The following ACSL6 variants were observed in gnomAD, a reference collection of about 807,000 sequenced individuals.
ACSL6 encodes acyl-CoA synthetase long chain family member 6.
In ACSL6, 47 loss-of-function variants were observed where a neutral mutation model predicts 98.2. The observed-to-expected ratio is 0.48, with a 90% CI of 0.38 to 0.61. ACSL6 has a LOEUF of 0.61. Among genes scored for constraint, ACSL6 ranks in the 20% least tolerant of loss-of-function variants. The pLI, the probability that ACSL6 is intolerant of heterozygous loss-of-function variation, is 0.00. For missense variants in ACSL6, 761 were observed against 913.4 expected (o/e 0.83, Z 2.15); for synonymous variants, 362 against 336.9 (o/e 1.07, Z -0.82).
chr5:131,997,749 T>C (rs1754866535), intron 1 of ACSL6, among the ~76,000 whole-genome samples: 1 of 152,210 alleles, frequency 6.6e-6, no homozygotes, highest in Non-Finnish European at 1.5e-5. Flanking sequence ...GTGCTCACCC[T>C]GAAGGAGGTA....
chr5:131,968,047 A>AC lies in ACSL6; in HGVS notation c.1508-20_1508-19insG. 1 of 1,609,514 alleles carries AC rather than the reference A, an allele frequency of 6.2e-7. No individual in the cohort carries two copies. The highest frequency in any genetic ancestry group is 8.5e-7 in the Non-Finnish European group (1 of 1,176,358). On this transcript the variant is annotated intron_variant, in intron 15 of 20. Coordinates refer to ENST00000651883, the MANE Select transcript of ACSL6 (RefSeq NM_001009185.3). ...ACGTGCCCTGGAACACCGGAGCAAG[A>AC]TGGCATTTGTTAGTGTTCAGATCTG...
intron 6 of ACSL6, 120 bp downstream of exon 6, chr5:131,988,685 G>A: frequency 6.3e-7 from 1 of 1,581,074 alleles, no homozygotes; most frequent in Non-Finnish European, 8.7e-7. Context: ...TAAGCCCCTA[G>A]TATTTTCTGA....
rs1307642845 is a variant in ACSL6 at position 131,960,508 on chromosome 5, C to T, written c.1959+12G>A. On this transcript the variant is annotated intron_variant, in intron 19 of 20. Transcript: ENST00000651883. Reference sequence around the variant, plus strand: ...TCAGTAACCTTTCAGGAGACAGCCCCAAGATACCAACCTTATTTGTGCAGA... The same window carrying T: ...TCAGTAACCTTTCAGGAGACAGCCCTAAGATACCAACCTTATTTGTGCAGA... 3 of 1,609,292 alleles carry T rather than the reference C, an allele frequency of 1.9e-6. No homozygotes were observed. Among genetic ancestry groups the T allele is most frequent in the Non-Finnish European group, 2.5e-6 (3 of 1,178,090 alleles).
At chr5:131,963,310 C>T (rs944918248) in intron 17 of ACSL6, among the ~76,000 whole-genome samples, 1 of 152,174 alleles carries the variant, frequency 6.6e-6, no homozygotes, top group African/African-American at 2.4e-5. Context: ...CCGTCCTCAC[C>T]TCCCTGACTC....
intron 18 of ACSL6, 22 bp from the exon 19 acceptor site, chr5:131,960,643 AAC>A (rs752152829): frequency 6.3e-7 from 1 of 1,589,764 alleles, no homozygotes; most frequent in East Asian, 2.2e-5. Flanking sequence ...ACCAAAGGAG[AAC>A]ACAGTCATGA....
intron 9 of ACSL6, among the ~76,000 whole-genome samples, chr5:131,980,367 G>A (rs1487227303): frequency 1.3e-5 from 2 of 152,174 alleles, no homozygotes. Context: ...TAGTAGCCAA[G>A]TACTCAACAC....
intron 1 of ACSL6, among the ~76,000 whole-genome samples, chr5:132,001,036 C>T (rs537309942): frequency 3.3e-4 from 51 of 152,264 alleles, no homozygotes; most frequent in East Asian, 1.2e-3. Flanking sequence ...TTAAAATGAA[C>T]GAATATCTGA....
chr5:131,977,997 T>C (rs1044435558), intron 9 of ACSL6, among the ~76,000 whole-genome samples: 1 of 152,210 alleles, frequency 6.6e-6, no homozygotes, highest in Non-Finnish European at 1.5e-5. Flanking sequence ...CCGAGCTAAC[T>C]CAGCCCCTAA....
intron 3 of ACSL6, among the ~76,000 whole-genome samples, 197 bp from the exon 4 acceptor site, chr5:131,990,361 C>T (rs1754439522): frequency 6.6e-6 from 1 of 152,216 alleles, no homozygotes; most frequent in Non-Finnish European, 1.5e-5. Context: ...AGTATGGCAT[C>T]ATCCCAGGGA....
At chr5:131,984,677 CTG>C (rs2126874604) in intron 9 of ACSL6, 1 of 154,098 alleles carries the variant, frequency 6.5e-6, no homozygotes, top group African/African-American at 2.4e-5. Context: ...TGTGCCTGTG[CTG>C]TGTGTGTCCT....
rs368582516 is a variant in ACSL6, at chr5:131,975,789, T to C, written c.991-819A>G. The C allele has an allele frequency of 5.1e-6, 5 of 985,484 alleles. No individual in the cohort carries two copies. In the East Asian group the frequency reaches 4.5e-4, roughly 89 times the overall value. 61.0% of individuals were successfully genotyped at this position (985,484 alleles called of 1,614,324 possible). On this transcript the variant is annotated intron_variant, in intron 10 of 20. Transcript: ENST00000651883. ...GGCTGTGCCTCCACGTGCTCTCCTC[T>C]GCTGGACTTCCCTGCTCTCCACCCC...
intron 4 of ACSL6, 90 bp downstream of exon 4, chr5:131,990,010 G>T: frequency 7.3e-7 from 1 of 1,370,138 alleles, no homozygotes; most frequent in Non-Finnish European, 1.0e-6. Flanking sequence ...GACCCTCTGA[G>T]ACCCAGCAGG....
At chr5:131,976,254 T>C (rs1753603994) in intron 10 of ACSL6, 1 of 981,968 alleles carries the variant, frequency 1.0e-6, no homozygotes, top group East Asian at 1.1e-4. Flanking sequence ...AAACACAAAA[T>C]GACTGAATTA....
At chr5:131,989,204 G>A (rs1414928935) in intron 5 of ACSL6, among the ~76,000 whole-genome samples, 1 of 152,178 alleles carries the variant, frequency 6.6e-6, no homozygotes, top group Non-Finnish European at 1.5e-5. Flanking sequence ...GTAGAGCTGG[G>A]TGGGGTGTGG....
intron 20 of ACSL6, 139 bp downstream of exon 20, chr5:131,959,397 T>C: frequency 1.2e-6 from 1 of 862,058 alleles, no homozygotes; most frequent in South Asian, 1.6e-5. Context: ...GAACAGGCCT[T>C]CAGGGGTCCA....
chr5:131,986,981 T>TCACACA, intron 7 of ACSL6, 127 bp from the exon 8 acceptor site: 1 of 87,694 alleles, frequency 1.1e-5, no homozygotes. Flanking sequence ...ACCCACACAC[T>TCACACA]CACACACACA....
chr5:131,993,806 G>T (rs1400383822), intron 2 of ACSL6: 1 of 558,096 alleles, frequency 1.8e-6, no homozygotes, highest in Admixed American at 3.1e-5. Flanking sequence ...CCAGTGCAAG[G>T]CCCAGGTCAG....
intron 11 of ACSL6, chr5:131,973,821 T>C (rs1753458131): frequency 6.1e-6 from 1 of 164,034 alleles, no homozygotes; most frequent in Non-Finnish European, 1.3e-5. Flanking sequence ...GGTGAAGGTG[T>C]GTAAGCCCCA....
At chr5:131,956,376 T>C (rs1027785868) in intron 20 of ACSL6, among the ~76,000 whole-genome samples, 4 of 152,218 alleles carry the variant, frequency 2.6e-5, no homozygotes, top group Non-Finnish European at 5.9e-5. Context: ...TCTGCAGCTC[T>C]ATGTGGCTGT....
Sources: gnomAD v4.1 joint callset for allele counts (sites outside exome capture counted in the v4.1 genomes callset) on GRCh38, gnomAD v4.1.1 for gene constraint, MANE v1.5 for transcripts, NCBI Gene and HGNC (gene_info 2026-07-23, HGNC 2026-07-21) for gene names.